EIF4G3: variants seen among roughly 807,000 people sequenced by gnomAD.
EIF4G3 encodes the protein eIF-4-gamma 3.
A neutral mutation model predicts 186.4 loss-of-function variants in EIF4G3; 34 were observed. That is an observed-to-expected ratio of 0.18 (90% CI 0.14 to 0.24). EIF4G3 has a LOEUF of 0.24. Ranked by LOEUF, EIF4G3 falls within the 10% of genes least tolerant of loss-of-function variation. EIF4G3 has a pLI of 1.00. For missense variants in EIF4G3, 1,536 were observed against 1,948.5 expected, an observed-to-expected ratio of 0.79 and a Z score of 3.99; for synonymous variants, 673 against 679.5, an observed-to-expected ratio of 0.99 and a Z score of 0.15.
Position 20,941,952 on chromosome 1 carries a change from T to A in EIF4G3, c.1202A>T (p.Asn401Ile). The A allele has an allele frequency of 1.2e-6, 2 of 1,614,180 alleles. No individual in the cohort carries two copies. The highest frequency in any genetic ancestry group is 8.5e-7 in the Non-Finnish European group (1 of 1,180,020). Residue 401 changes from asparagine (N) to isoleucine (I), a missense_variant, in exon 14 of 37, where the codon AAT (asparagine) becomes ATT (isoleucine). Transcript: ENST00000602326. ...ICKKPCSVAPNDIPLVSSTNL... is the reference protein window; with the variant it reads ...ICKKPCSVAPIDIPLVSSTNL... ...AGTACTAGAAACCAGTGGAATATCA[T>A]TAGGTGCTACACTACAGGGTTTCTT...
intron 4 of EIF4G3, among the ~76,000 whole-genome samples, chr1:21,027,590 A>G (rs550488897): frequency 6.6e-5 from 10 of 151,928 alleles, no homozygotes; most frequent in Non-Finnish European, 1.5e-4. Context: ...AGATCGCCCC[A>G]CTGCACTTCA....
intron 18 of EIF4G3, chr1:20,892,749 G>C: frequency 6.8e-7 from 1 of 1,475,758 alleles, no homozygotes; most frequent in Non-Finnish European, 9.1e-7. Context: ...CAAAGACAAA[G>C]ACATGATCAT....
chr1:21,007,738 A>T (rs959897806), intron 4 of EIF4G3, among the ~76,000 whole-genome samples: 2 of 151,922 alleles, frequency 1.3e-5, no homozygotes, highest in Non-Finnish European at 2.9e-5. Context: ...ACTCTGTCTT[A>T]ACTTTAAAAA....
chr1:21,028,485 G>A (rs1218391173), intron 4 of EIF4G3, among the ~76,000 whole-genome samples: 1 of 152,202 alleles, frequency 6.6e-6, no homozygotes, highest in East Asian at 1.9e-4. Flanking sequence ...GGAGAAAGAG[G>A]CAGCTGAGAT....
chr1:21,063,868 C>A (rs988046403), intron 3 of EIF4G3, among the ~76,000 whole-genome samples: 2 of 145,774 alleles, frequency 1.4e-5, no homozygotes, highest in South Asian at 4.4e-4. Context: ...TGCCATCACA[C>A]CCAGCTAATT....
At chr1:21,141,120 CAATTAT>C (rs1200150027) in intron 2 of EIF4G3, among the ~76,000 whole-genome samples, 1 of 152,056 alleles carries the variant, frequency 6.6e-6, no homozygotes, top group Non-Finnish European at 1.5e-5. Flanking sequence ...ATCCTAGGAA[CAATTAT>C]AATTCCCATA....
At chr1:21,017,575 C>G (rs139719037) in intron 4 of EIF4G3, among the ~76,000 whole-genome samples, 4,044 of 141,406 alleles carry the variant, frequency 0.029, 83 homozygotes, top group Non-Finnish European at 0.038. Context: ...TTGCAGTGAG[C>G]CAAGATCGTG....
At chr1:21,151,506 G>A (rs912679411) in intron 2 of EIF4G3, among the ~76,000 whole-genome samples, 4 of 151,906 alleles carry the variant, frequency 2.6e-5, no homozygotes, top group Admixed American at 2.0e-4. Context: ...ACAAAGTGCT[G>A]GGATTACAGG....
intron 2 of EIF4G3, among the ~76,000 whole-genome samples, chr1:21,139,112 TCAAGTAC>T (rs1165383041): frequency 2.0e-5 from 3 of 152,168 alleles, no homozygotes; most frequent in Non-Finnish European, 4.4e-5. Context: ...TAAGAAGATG[TCAAGTAC>T]AACATGCTTG....
intron 2 of EIF4G3, among the ~76,000 whole-genome samples, chr1:21,153,313 T>C (rs893973188): frequency 7.2e-5 from 11 of 152,252 alleles, no homozygotes; most frequent in African/African-American, 2.7e-4. Context: ...GCATTCTGAA[T>C]AGCACTATCA....
rs561317658 is a variant in EIF4G3, at chr1:20,851,944, C to T, written c.3552-466G>A. ...GAGGCATGAGACTGGCCTGAAACTG[C>T]GAGGAGGAAGTAGCAGTGAGCCAAG... On this transcript the variant is annotated intron_variant, in intron 27 of 36. Coordinates refer to ENST00000602326, the MANE Select transcript of EIF4G3 (RefSeq NM_001391906.1). 7.2e-4 allele frequency among the ~76,000 whole-genome samples: 110 copies of T among 152,206 alleles called. 1 individual carries two copies. The South Asian group carries it at 9.8e-3, about 14-fold the overall frequency.
rs147544193 is a variant in EIF4G3 at position 20,817,509 on chromosome 1, G to C, written c.4398C>G (p.Pro1466=). ...TCTTTGAAAGTGCTTCAGAGGAACA[G>C]GGACTGTCAGACTCTATGAAGTCCA... The part of the protein sequence containing the change: ...QKLDFIESDS[P]CSSEALSKKE... Residue 1466 remains proline (P), a synonymous_variant, in exon 34 of 37, where the codon CCC becomes CCG. Coordinates refer to ENST00000602326, the MANE Select transcript of EIF4G3 (RefSeq NM_001391906.1). The C allele has an allele frequency of 6.2e-7, 1 of 1,604,112 alleles. No homozygotes were observed. The highest frequency in any genetic ancestry group is 2.2e-5 in the East Asian group (1 of 44,540).
intron 4 of EIF4G3, among the ~76,000 whole-genome samples, chr1:21,012,813 G>A (rs958228576): frequency 2.6e-5 from 4 of 152,148 alleles, no homozygotes; most frequent in East Asian, 3.9e-4. Flanking sequence ...GGAACATATC[G>A]GGAAAACAGA....
At chr1:20,994,138 A>C (rs568488167) in intron 7 of EIF4G3, among the ~76,000 whole-genome samples, 1 of 152,326 alleles carries the variant, frequency 6.6e-6, no homozygotes, top group South Asian at 2.1e-4. Context: ...TTAAAGCCCA[A>C]ACGATGCTAA....
At chr1:21,078,172 G>A (rs2095647444) in intron 3 of EIF4G3, among the ~76,000 whole-genome samples, 1 of 152,148 alleles carries the variant, frequency 6.6e-6, no homozygotes, top group African/African-American at 2.4e-5. Context: ...TGCCACCCGT[G>A]TTTACTGTAG....
chr1:20,925,884 A>G (rs937163466), intron 14 of EIF4G3, among the ~76,000 whole-genome samples: 3 of 152,206 alleles, frequency 2.0e-5, no homozygotes, highest in Non-Finnish European at 4.4e-5. Context: ...CCGAGGTTAC[A>G]TGCATGAATT....
chr1:20,921,479 A>G (rs769526345), intron 14 of EIF4G3, among the ~76,000 whole-genome samples: 3 of 152,198 alleles, frequency 2.0e-5, no homozygotes, highest in Admixed American at 1.3e-4. Flanking sequence ...ATTCCGAAAG[A>G]ACAGCTGTTG....
At chr1:20,817,680 AGTTT>A in intron 33 of EIF4G3, 142 bp from the exon 34 acceptor site, 3 of 220,640 alleles carry the variant, frequency 1.4e-5, no homozygotes, top group Admixed American at 7.0e-5. Flanking sequence ...TTATGTTTGT[AGTTT>A]TTTTTTTTTT....
Position 21,089,136 on chromosome 1 carries a change from AC to A in EIF4G3, c.-196+1del. 1 of 716,986 alleles carries A rather than the reference AC, an allele frequency of 1.4e-6. No homozygotes were observed. The highest frequency in any genetic ancestry group is 2.6e-6 in the Non-Finnish European group (1 of 384,904). The allele number at this position is 716,986 out of a possible 1,614,324, so 44.4% of individuals were successfully genotyped here. On this transcript the variant is annotated splice_donor_variant, in intron 3 of 36. Transcript: ENST00000602326. LOFTEE classifies it low-confidence loss of function (5UTR_SPLICE). ...ACAATTTGACAACCTTCAGACACTC[AC>A]CGTGCTGTAGACTGCTGAGACAGCG...
Sources: allele counts gnomAD v4.1 joint callset (sites outside exome capture counted in the v4.1 genomes callset), GRCh38; gene constraint gnomAD v4.1.1; transcripts MANE v1.5; gene names NCBI Gene and HGNC (gene_info 2026-07-23, HGNC 2026-07-21).